The following ATF6 variants were observed in gnomAD, a reference collection of about 807,000 sequenced individuals.
The protein encoded by ATF6 is cyclic AMP-dependent transcription factor ATF-6 alpha.
In ATF6, 53 loss-of-function variants were observed where a neutral mutation model predicts 83.6. That is an observed-to-expected ratio of 0.63 (90% CI 0.51 to 0.80). ATF6 has a LOEUF of 0.80. Ranked by LOEUF, ATF6 falls within the 30% of genes least tolerant of loss-of-function variation. The probability of loss-of-function intolerance (pLI) is 0.00; values close to 1 mark genes in which losing one functional copy is unlikely to be tolerated. For synonymous variants in ATF6, 288 were observed against 285.8 expected, an observed-to-expected ratio of 1.01 and a Z score of -0.08; for missense variants, 744 against 797.9, an observed-to-expected ratio of 0.93 and a Z score of 0.81.
chr1:161,897,769 A>T (rs1412355784), intron 14 of ATF6, among the ~76,000 whole-genome samples: 1 of 152,236 alleles, frequency 6.6e-6, no homozygotes, highest in East Asian at 1.9e-4. Context: ...TATTTTAATA[A>T]CGCTTATGTT....
intron 15 of ATF6, among the ~76,000 whole-genome samples, chr1:161,920,012 A>G (rs1020090091): frequency 6.6e-6 from 1 of 152,142 alleles, no homozygotes; most frequent in Non-Finnish European, 1.5e-5. Context: ...TCCCAAGGCA[A>G]ATATATTTGG....
chr1:161,793,332 GACAA>G (rs938644327), intron 6 of ATF6, among the ~76,000 whole-genome samples: 6 of 152,248 alleles, frequency 3.9e-5, no homozygotes, highest in Admixed American at 3.3e-4. Flanking sequence ...AAAATAAACA[GACAA>G]ACAAACAAAC....
At chr1:161,766,513 G>T (rs1684267376) in intron 1 of ATF6, 71 bp downstream of exon 1, 2 of 1,479,274 alleles carry the variant, frequency 1.4e-6, no homozygotes, top group Middle Eastern at 1.9e-4. Flanking sequence ...CCCTACTTCC[G>T]CCCACTCGTG....
At chr1:161,780,117 T>C (rs1234338276) in intron 2 of ATF6, among the ~76,000 whole-genome samples, 2 of 152,118 alleles carry the variant, frequency 1.3e-5, no homozygotes, top group Non-Finnish European at 2.9e-5. Context: ...AAATGGTTTT[T>C]TTATGATTTA....
chr1:161,829,890 G>C (rs1686007095), intron 9 of ATF6, among the ~76,000 whole-genome samples: 1 of 151,930 alleles, frequency 6.6e-6, no homozygotes, highest in South Asian at 2.1e-4. Flanking sequence ...TTGAAAACTG[G>C]CACAAGACAG....
chr1:161,913,580 A>G (rs368372216), intron 15 of ATF6, among the ~76,000 whole-genome samples: 2 of 152,346 alleles, frequency 1.3e-5, no homozygotes, highest in South Asian at 4.1e-4. Context: ...CCTTACAAAG[A>G]CATTCAGAAT....
chr1:161,923,232 A>G (rs1169069999), intron 15 of ATF6, among the ~76,000 whole-genome samples: 1 of 151,582 alleles, frequency 6.6e-6, no homozygotes, highest in Non-Finnish European at 1.5e-5. Flanking sequence ...TTTTTTTTTT[A>G]TTTAACTGTG....
At chr1:161,884,247 G>A (rs1019534350) in intron 14 of ATF6, among the ~76,000 whole-genome samples, 2 of 151,972 alleles carry the variant, frequency 1.3e-5, no homozygotes, top group African/African-American at 4.8e-5. Context: ...AACTAGGAAG[G>A]CATATTTTTC....
intron 15 of ATF6, among the ~76,000 whole-genome samples, chr1:161,925,764 C>T (rs1688300146): frequency 6.6e-6 from 1 of 152,064 alleles, no homozygotes; most frequent in Non-Finnish European, 1.5e-5. Flanking sequence ...TCTATATAAG[C>T]CAGGCACTGT....
intron 9 of ATF6, among the ~76,000 whole-genome samples, chr1:161,844,050 GGGCTCAATAT>G (rs1268866905): frequency 1.3e-5 from 2 of 152,144 alleles, no homozygotes; most frequent in Non-Finnish European, 2.9e-5. Context: ...TAATTACACT[GGGCTCAATAT>G]AAATAGAGTG....
intron 12 of ATF6, among the ~76,000 whole-genome samples, chr1:161,856,718 A>G (rs930787029): frequency 1.4e-5 from 2 of 147,268 alleles, no homozygotes; most frequent in Admixed American, 1.5e-4. Context: ...CTTGCCCTAA[A>G]TGCTTTTTTT....
chr1:161,956,444 C>A (rs1473442733), intron 15 of ATF6, among the ~76,000 whole-genome samples: 1 of 152,184 alleles, frequency 6.6e-6, no homozygotes, highest in Non-Finnish European at 1.5e-5. Flanking sequence ...AACAAGATTT[C>A]TTTCTTTCAT....
intron 1 of ATF6, among the ~76,000 whole-genome samples, chr1:161,776,922 G>A (rs1181911402): frequency 6.6e-6 from 1 of 152,194 alleles, no homozygotes; most frequent in Non-Finnish European, 1.5e-5. Context: ...GGACAAATTT[G>A]TGTTAGGGAG....
chr1:161,798,549 G>C (rs1429858020), intron 6 of ATF6, among the ~76,000 whole-genome samples: 1 of 152,092 alleles, frequency 6.6e-6, no homozygotes, highest in South Asian at 2.1e-4. Flanking sequence ...GAGGCGGCAG[G>C]TGCAGTGAGC....
At chr1:161,922,789 G>A (rs912026307) in intron 15 of ATF6, among the ~76,000 whole-genome samples, 1 of 152,054 alleles carries the variant, frequency 6.6e-6, no homozygotes, top group African/African-American at 2.4e-5. Flanking sequence ...GTAGGACCCA[G>A]TAGGGAGAGG....
rs552166912 is a variant in ATF6 at position 161,779,307 on chromosome 1, T to C, written c.159+987T>C. ...TAAACTATGTCAAGAAACTGTGTGC[T>C]CAATTGGAAAGATTAAGGGAAATAT... On this transcript the variant is annotated intron_variant, in intron 2 of 15. Transcript: ENST00000367942. Among the ~76,000 whole-genome samples the C allele has an allele frequency of 1.1e-3, 175 of 152,352 alleles. 1 individual carries two copies. Among genetic ancestry groups the C allele is most frequent in the Non-Finnish European group, 1.7e-3 (118 of 68,040 alleles).
intron 15 of ATF6, among the ~76,000 whole-genome samples, chr1:161,956,082 C>T (rs9283413): frequency 0.64 from 96,779 of 151,970 alleles, 32,388 homozygotes; most frequent in Non-Finnish European, 0.75. Context: ...TTTAAAAAAC[C>T]GCAGTTATCA....
At chr1:161,782,530 TCTC>T (rs1311532254) in intron 3 of ATF6, among the ~76,000 whole-genome samples, 1 of 152,100 alleles carries the variant, frequency 6.6e-6, no homozygotes, top group African/African-American at 2.4e-5. Context: ...AAAAATCCCT[TCTC>T]CTCCCTTCTA....
At position 161,960,029 on chromosome 1, in the gene ATF6, T is replaced by G. The variant is rs1020567560; in HGVS notation, c.*1375T>G. The stretch of plus-strand genomic sequence containing the variant: ...AGTGCATCCCATAATATGGCAATAA[T>G]TTTCAGTTTCTCCAACGAAAAGATA... On this transcript the variant is annotated 3_prime_UTR_variant, in exon 16 of 16. Transcript: ENST00000367942. 6.6e-6 allele frequency: 1 copy of G among 151,866 alleles called. No individual in the cohort carries two copies. Among genetic ancestry groups the G allele is most frequent in the Non-Finnish European group, 1.5e-5 (1 of 68,010 alleles). 9.4% of individuals were successfully genotyped at this position (151,866 alleles called of 1,614,324 possible). A position where few individuals can be genotyped will look rare whatever the true frequency, so the allele number is the denominator to read the frequency against.
Sources: gnomAD v4.1 joint callset for allele counts (sites outside exome capture counted in the v4.1 genomes callset) on GRCh38, gnomAD v4.1.1 for gene constraint, MANE v1.5 for transcripts, NCBI Gene and HGNC (gene_info 2026-07-23, HGNC 2026-07-21) for gene names.